FUT8: variants seen among roughly 807,000 people sequenced by gnomAD.
FUT8 encodes fucosyltransferase 8, also known as alpha-(1,6)-fucosyltransferase.
A neutral mutation model predicts 71.3 loss-of-function variants in FUT8; 29 were observed. The observed-to-expected ratio is 0.41, with a 90% CI of 0.30 to 0.55. FUT8 has a LOEUF of 0.55. FUT8 is among the 20% of genes least tolerant of loss of function. The probability of loss-of-function intolerance (pLI) is 0.34; values close to 1 mark genes in which losing one functional copy is unlikely to be tolerated. For missense variants in FUT8, 544 were observed against 702.1 expected, an observed-to-expected ratio of 0.77 and a Z score of 2.55; for synonymous variants, 254 against 239.3, an observed-to-expected ratio of 1.06 and a Z score of -0.57.
intron 2 of FUT8, among the ~76,000 whole-genome samples, chr14:65,530,995 T>A: frequency 6.8e-6 from 1 of 147,454 alleles, no homozygotes. Context: ...AATAAAAAAA[T>A]TGGTCTTATA....
At chr14:65,608,276 C>T (rs1888692372) in intron 3 of FUT8, among the ~76,000 whole-genome samples, 1 of 151,720 alleles carries the variant, frequency 6.6e-6, no homozygotes, top group African/African-American at 2.4e-5. Flanking sequence ...TCTTTTCTTT[C>T]CTAATATTGC....
At chr14:65,709,099 C>G (rs1318581670) in intron 7 of FUT8, among the ~76,000 whole-genome samples, 1 of 152,008 alleles carries the variant, frequency 6.6e-6, no homozygotes, top group Non-Finnish European at 1.5e-5. Context: ...ATCAAAACAC[C>G]ACATTGAACC....
At chr14:65,577,347 C>G (rs1380768887) in intron 3 of FUT8, among the ~76,000 whole-genome samples, 1 of 152,058 alleles carries the variant, frequency 6.6e-6, no homozygotes, top group African/African-American at 2.4e-5. Flanking sequence ...AAGGCCTGGG[C>G]TTCTCAGATT....
chr14:65,729,748 G>A (rs1895878591), intron 9 of FUT8, among the ~76,000 whole-genome samples: 1 of 152,104 alleles, frequency 6.6e-6, no homozygotes, highest in African/African-American at 2.4e-5. Flanking sequence ...AACCCTTATA[G>A]TACAGTTGGC....
At chr14:65,479,205 G>T (rs533785282) in intron 2 of FUT8, among the ~76,000 whole-genome samples, 1 of 152,212 alleles carries the variant, frequency 6.6e-6, no homozygotes, top group East Asian at 1.9e-4. Context: ...GATGTCTATG[G>T]CATATATTAA....
chr14:65,615,760 G>A (rs1427222231), intron 3 of FUT8, among the ~76,000 whole-genome samples: 1 of 152,158 alleles, frequency 6.6e-6, no homozygotes, highest in Non-Finnish European at 1.5e-5. Flanking sequence ...GATTTCTGAA[G>A]TAGATTAATA....
At chr14:65,609,927 C>T (rs1481952479) in intron 3 of FUT8, among the ~76,000 whole-genome samples, 2 of 151,626 alleles carry the variant, frequency 1.3e-5, no homozygotes, top group East Asian at 1.9e-4. Context: ...AAGTCGTGCC[C>T]ATCTTTTGCC....
intron 3 of FUT8, among the ~76,000 whole-genome samples, chr14:65,569,511 G>C (rs1204481960): frequency 2.6e-5 from 4 of 151,530 alleles, no homozygotes; most frequent in Admixed American, 6.6e-5. Context: ...CACACAGTTA[G>C]TAATTTTTTA....
At chr14:65,474,182 T>C (rs2139649905) in intron 2 of FUT8, among the ~76,000 whole-genome samples, 1 of 151,922 alleles carries the variant, frequency 6.6e-6, no homozygotes, top group African/African-American at 2.4e-5. Context: ...AAAAACGATA[T>C]ATTGGGTACA....
rs376915696 is a variant in FUT8, at chr14:65,720,385, C to A, written c.836-1390C>A. Among the ~76,000 whole-genome samples the A allele has an allele frequency of 2.1e-4, 32 of 152,354 alleles. No homozygotes were observed. The East Asian group carries it at 3.9e-3, about 18-fold the overall frequency. On this transcript the variant is annotated intron_variant, in intron 7 of 10. Coordinates refer to ENST00000673929, the MANE Select transcript of FUT8 (RefSeq NM_001371533.1). The stretch of plus-strand genomic sequence containing the variant: ...GCACTGGGCTCCCTTCTGGCCCAGG[C>A]AGGTCCAGGAGTGCCATACAAGAGC...
chr14:65,705,015 A>G lies in FUT8; in HGVS notation c.836-16760A>G, dbSNP rs77753546. ...ATGAGAATGCTGCCCAGTCATTCCCAGAGTGTGATATGCTAATTCTTAAGA... is the reference window on the plus strand; with the variant it reads ...ATGAGAATGCTGCCCAGTCATTCCCGGAGTGTGATATGCTAATTCTTAAGA... On this transcript the variant is annotated intron_variant, in intron 7 of 10. Coordinates refer to ENST00000673929, the MANE Select transcript of FUT8 (RefSeq NM_001371533.1). 3.4e-3 allele frequency among the ~76,000 whole-genome samples: 523 copies of G among 152,374 alleles called. 2 individuals carry two copies. The highest frequency in any genetic ancestry group is 0.012 in the African/African-American group (498 of 41,590).
chr14:65,440,474 C>T (rs746288529), intron 1 of FUT8, among the ~76,000 whole-genome samples: 1 of 151,638 alleles, frequency 6.6e-6, no homozygotes, highest in Non-Finnish European at 1.5e-5. Context: ...TGCCACCATG[C>T]CCAGCTAGAG....
chr14:65,639,546 A>C (rs1890730926), intron 6 of FUT8, among the ~76,000 whole-genome samples: 1 of 149,792 alleles, frequency 6.7e-6, no homozygotes, highest in Non-Finnish European at 1.5e-5. Context: ...ACACTTTTGA[A>C]ACTTCCCTAC....
chr14:65,546,067 T>C (rs1183270553), intron 2 of FUT8, among the ~76,000 whole-genome samples: 2 of 151,834 alleles, frequency 1.3e-5, no homozygotes, highest in African/African-American at 4.8e-5. Context: ...ATAGGGGTAA[T>C]TTAAACTTTC....
Position 65,472,573 on chromosome 14 carries a change from A to AG in FUT8, c.-228+16855_-228+16856insG, listed in dbSNP as rs1939919273. Among the ~76,000 whole-genome samples, 2 of 152,176 alleles carry AG rather than the reference A, an allele frequency of 1.3e-5. No individual in the cohort carries two copies. Among genetic ancestry groups the AG allele is most frequent in the Admixed American group, 6.5e-5 (1 of 15,278 alleles). On this transcript the variant is annotated intron_variant, in intron 2 of 10. Transcript: ENST00000673929. This position sits in a 1 kb window ranked among gnomAD's most constrained non-coding sequence, Gnocchi z 4.4. ...TATATTCTTATACTGTAAAAAAAAA[A>AG]ACAACTTTATTTTTATAGCCTTTTT...
At chr14:65,598,603 G>T (rs1238082090) in intron 3 of FUT8, among the ~76,000 whole-genome samples, 1 of 152,052 alleles carries the variant, frequency 6.6e-6, no homozygotes, top group Non-Finnish European at 1.5e-5. Context: ...ATTTAGCTTT[G>T]AGTGTTTTTT....
intron 3 of FUT8, among the ~76,000 whole-genome samples, chr14:65,596,043 A>G (rs1021013445): frequency 6.6e-6 from 1 of 152,204 alleles, no homozygotes; most frequent in Non-Finnish European, 1.5e-5. Context: ...AATTTATCTA[A>G]TAACAGTAGA....
At chr14:65,545,470 A>G (rs1884935341) in intron 2 of FUT8, among the ~76,000 whole-genome samples, 2 of 151,904 alleles carry the variant, frequency 1.3e-5, no homozygotes, top group African/African-American at 4.8e-5. Flanking sequence ...TAGATTGTTA[A>G]TGAAGAAAAT....
chr14:65,669,485 G>A lies in FUT8; in HGVS notation c.835+5G>A. The A allele has an allele frequency of 6.3e-7, 1 of 1,598,426 alleles. No homozygotes were observed. Among genetic ancestry groups the A allele is most frequent in the Non-Finnish European group, 8.6e-7 (1 of 1,165,978 alleles). On this transcript the variant is annotated splice_donor_5th_base_variant and intron_variant, in intron 7 of 10. Transcript: ENST00000673929. This position sits in a 1 kb window ranked among gnomAD's most constrained non-coding sequence, Gnocchi z 4.5. ...TCTCCACTGGACACTGGTCAGGTAA[G>A]GAGCTTGTGCAGCATATGAGATCTC... is the stretch of plus-strand genomic sequence containing the variant.
Sources: gnomAD v4.1 joint callset for allele counts (sites outside exome capture counted in the v4.1 genomes callset) on GRCh38, gnomAD v4.1.1 for gene constraint, Gnocchi (gnomAD v3.1) non-coding constraint, MANE v1.5 for transcripts, NCBI Gene and HGNC (gene_info 2026-07-23, HGNC 2026-07-21) for gene names.